ZFHX3: variants seen among roughly 807,000 people sequenced by gnomAD.
The protein encoded by ZFHX3 is zinc finger homeobox 3.
ZFHX3 carries 42 observed loss-of-function variants against 279.1 expected under a neutral mutation model. That is an observed-to-expected ratio of 0.15 (90% CI 0.12 to 0.19). The LOEUF (loss-of-function observed/expected upper bound fraction) is 0.19, where lower values mean the gene tolerates loss of function less well. ZFHX3 is among the 10% of genes least tolerant of loss of function. The pLI is 1.00. For synonymous variants in ZFHX3, 2,293 were observed against 1,957.8 expected, an observed-to-expected ratio of 1.17 and a Z score of -4.52; for missense variants, 4,981 against 4,754.0, an observed-to-expected ratio of 1.05 and a Z score of -1.40.
intron 1 of ZFHX3, among the ~76,000 whole-genome samples, chr16:73,701,596 G>A (rs1361800887): frequency 6.6e-6 from 1 of 151,942 alleles, no homozygotes; most frequent in Non-Finnish European, 1.5e-5. Context: ...GTTCCTCTTA[G>A]GATCTCTTGG....
chr16:73,279,756 C>T (rs2014409366), intron 4 of ZFHX3, among the ~76,000 whole-genome samples: 1 of 152,104 alleles, frequency 6.6e-6, no homozygotes, highest in Non-Finnish European at 1.5e-5. Context: ...GGACGTTGCA[C>T]AGAATATTAA....
chr16:72,891,107 C>A (rs189879960), intron 3 of ZFHX3, among the ~76,000 whole-genome samples: 12 of 152,272 alleles, frequency 7.9e-5, no homozygotes, highest in Admixed American at 2.6e-4. Flanking sequence ...TAGGTTTTCA[C>A]CTAGATTAAA....
At chr16:73,507,727 G>A (rs1445439459) in intron 2 of ZFHX3, among the ~76,000 whole-genome samples, 4 of 151,726 alleles carry the variant, frequency 2.6e-5, no homozygotes, top group Admixed American at 6.6e-5. Flanking sequence ...TGTTGAACTC[G>A]TGGCTTCAAG....
chr16:72,822,343 T>A (rs1350851986), intron 5 of ZFHX3, among the ~76,000 whole-genome samples: 1 of 152,196 alleles, frequency 6.6e-6, no homozygotes. Flanking sequence ...ACATGTTCTT[T>A]GGCTTTATAA....
chr16:73,514,367 G>T (rs529495336), intron 2 of ZFHX3, among the ~76,000 whole-genome samples: 1 of 152,242 alleles, frequency 6.6e-6, no homozygotes, highest in African/African-American at 2.4e-5. Context: ...TAATAATAGT[G>T]GCTTTCATTT....
At chr16:73,530,045 C>T (rs1285031041) in intron 2 of ZFHX3, among the ~76,000 whole-genome samples, 2 of 152,108 alleles carry the variant, frequency 1.3e-5, no homozygotes, top group Non-Finnish European at 2.9e-5. Context: ...CTGATAGAGA[C>T]ATAGCTGAGA....
chr16:72,798,841 C>T (rs2036004940), intron 8 of ZFHX3, 127 bp from the exon 9 acceptor site: 2 of 1,414,072 alleles, frequency 1.4e-6, no homozygotes, highest in Non-Finnish European at 9.2e-7. Flanking sequence ...AAGTGCCCAA[C>T]CTGAATGACA....
intron 4 of ZFHX3, among the ~76,000 whole-genome samples, chr16:72,874,814 C>G (rs74028118): frequency 7.2e-5 from 11 of 152,334 alleles, no homozygotes; most frequent in African/African-American, 2.6e-4. Flanking sequence ...ATTAAAGCCA[C>G]TTTGGAGTGT....
chr16:73,703,346 C>T (rs1167394730), intron 1 of ZFHX3, among the ~76,000 whole-genome samples: 2 of 151,836 alleles, frequency 1.3e-5, no homozygotes, highest in Non-Finnish European at 2.9e-5. Context: ...CCATGACTAC[C>T]ATTAAAACAA....
chr16:73,477,770 A>C lies in ZFHX3; in HGVS notation c.-1546-21512T>G, dbSNP rs185158873. Among the ~76,000 whole-genome samples the C allele has an allele frequency of 1.8e-3, 280 of 152,278 alleles. 2 individuals are homozygous for C. The highest frequency in any genetic ancestry group is 6.4e-3 in the African/African-American group (268 of 41,558). On this transcript the variant is annotated intron_variant, in intron 2 of 17. Transcript: ENST00000641206. ...ATCCCTTGAGAATGGGGTGTCAGTTACCTTGTGTCTGGAACAGAGTAACAA... is the reference window on the plus strand; with the variant it reads ...ATCCCTTGAGAATGGGGTGTCAGTTCCCTTGTGTCTGGAACAGAGTAACAA...
At chr16:73,112,111 G>T (rs767833673) in intron 7 of ZFHX3, among the ~76,000 whole-genome samples, 3 of 152,010 alleles carry the variant, frequency 2.0e-5, no homozygotes, top group Non-Finnish European at 2.9e-5. Flanking sequence ...GATGCCCCGG[G>T]CATGTTGGAC....
intron 1 of ZFHX3, among the ~76,000 whole-genome samples, chr16:72,972,251 G>GT (rs1440820839): frequency 6.6e-6 from 1 of 152,066 alleles, no homozygotes; most frequent in Non-Finnish European, 1.5e-5. Context: ...TAATGAAAGG[G>GT]TTTTGCAGAA....
At chr16:73,423,732 C>A (rs2017760196) in intron 3 of ZFHX3, among the ~76,000 whole-genome samples, 1 of 152,022 alleles carries the variant, frequency 6.6e-6, no homozygotes, top group Non-Finnish European at 1.5e-5. Flanking sequence ...CGCAGTGGTG[C>A]ACACCTGTAA....
chr16:73,118,429 G>C (rs1251356046), intron 7 of ZFHX3, among the ~76,000 whole-genome samples: 2 of 151,982 alleles, frequency 1.3e-5, no homozygotes, highest in Non-Finnish European at 2.9e-5. Flanking sequence ...GGCTGGTCTT[G>C]AACTTTTCAC....
chr16:73,646,332 A>G (rs914601826), intron 2 of ZFHX3, among the ~76,000 whole-genome samples: 1 of 152,146 alleles, frequency 6.6e-6, no homozygotes, highest in Non-Finnish European at 1.5e-5. Flanking sequence ...GAGGGTACCC[A>G]CCTCATAATC....
chr16:73,842,949 C>A (rs953284779), intron 1 of ZFHX3, among the ~76,000 whole-genome samples: 1 of 152,180 alleles, frequency 6.6e-6, no homozygotes, highest in Non-Finnish European at 1.5e-5. Context: ...TGAATGGAAC[C>A]CCCACTTTAC....
intron 4 of ZFHX3, among the ~76,000 whole-genome samples, chr16:73,267,447 C>G (rs1052950882): frequency 6.6e-6 from 1 of 152,108 alleles, no homozygotes; most frequent in African/African-American, 2.4e-5. Context: ...GGAGTCGTCC[C>G]TGATGATGAC....
chr16:73,888,719 C>T (rs936785873), intron 1 of ZFHX3, among the ~76,000 whole-genome samples: 12 of 152,182 alleles, frequency 7.9e-5, no homozygotes, highest in Non-Finnish European at 1.8e-4. Flanking sequence ...GAAGATACTT[C>T]TGTGGGCAGC....
chr16:73,782,401 A>T (rs1178114327), intron 1 of ZFHX3, among the ~76,000 whole-genome samples: 1 of 152,208 alleles, frequency 6.6e-6, no homozygotes, highest in Non-Finnish European at 1.5e-5. Context: ...TTTACATGCA[A>T]TGTTAAAGGG....
Sources: allele counts gnomAD v4.1 joint callset (sites outside exome capture counted in the v4.1 genomes callset), GRCh38; gene constraint gnomAD v4.1.1; transcripts MANE v1.5; gene names NCBI Gene and HGNC (gene_info 2026-07-23, HGNC 2026-07-21).